Variants in OSBPL10 observed in about 807,000 individuals in gnomAD.
OSBPL10 encodes the protein oxysterol-binding protein-related protein 10.
Under a neutral mutation model 81.7 loss-of-function variants are expected in OSBPL10, and 49 were observed. The ratio of observed to expected loss-of-function variants is 0.60; its 90% CI spans 0.48 to 0.76. The LOEUF (loss-of-function observed/expected upper bound fraction) is 0.76. Among genes scored for constraint, OSBPL10 ranks in the 30% least tolerant of loss-of-function variants. The pLI is 0.00. For missense variants in OSBPL10, 923 were observed against 987.8 expected, an observed-to-expected ratio of 0.93 and a Z score of 0.88; for synonymous variants, 419 against 383.6, an observed-to-expected ratio of 1.09 and a Z score of -1.08.
intron 3 of OSBPL10, among the ~76,000 whole-genome samples, chr3:31,851,876 T>C (rs1220347804): frequency 6.6e-6 from 1 of 152,204 alleles, no homozygotes; most frequent in Non-Finnish European, 1.5e-5. Context: ...TCTCTCACTC[T>C]GCATCCCTTT....
At chr3:31,856,068 TTACACACA>T (rs1255657329) in intron 3 of OSBPL10, among the ~76,000 whole-genome samples, 5 of 116,946 alleles carry the variant, frequency 4.3e-5, no homozygotes, top group African/African-American at 1.3e-4. Flanking sequence ...TATGTTTATA[TTACACACA>T]CACACACACA....
chr3:31,993,681 T>C (rs72854160), intron 2 of OSBPL10, among the ~76,000 whole-genome samples: 235 of 147,308 alleles, frequency 1.6e-3, no homozygotes, highest in African/African-American at 5.6e-3. Flanking sequence ...TACACACACA[T>C]ACACACACAC....
intron 4 of OSBPL10, among the ~76,000 whole-genome samples, chr3:31,806,202 C>A (rs1028559812): frequency 1.8e-4 from 27 of 152,220 alleles, no homozygotes; most frequent in African/African-American, 6.5e-4. Context: ...CGAGAGCCTA[C>A]GCCCTTGTTC....
At chr3:31,865,541 A>C (rs182455342) in intron 3 of OSBPL10, among the ~76,000 whole-genome samples, 2 of 152,270 alleles carry the variant, frequency 1.3e-5, no homozygotes, top group Admixed American at 6.5e-5. Flanking sequence ...ATTTGTTGAG[A>C]TCCTAACCCC....
chr3:31,959,192 G>A (rs1280462365), intron 1 of OSBPL10, among the ~76,000 whole-genome samples: 2 of 152,130 alleles, frequency 1.3e-5, no homozygotes, highest in East Asian at 1.9e-4. Flanking sequence ...TCGGCTCACA[G>A]AGAAAAGTCT....
intron 4 of OSBPL10, among the ~76,000 whole-genome samples, chr3:31,820,265 C>T (rs1699948054): frequency 6.6e-6 from 1 of 151,916 alleles, no homozygotes. Context: ...AAGTCATGCC[C>T]TTAAGAAAGA....
intron 4 of OSBPL10, among the ~76,000 whole-genome samples, chr3:31,801,181 G>A (rs1468404076): frequency 6.6e-6 from 1 of 152,080 alleles, no homozygotes; most frequent in Non-Finnish European, 1.5e-5. Flanking sequence ...CAGGAGCATG[G>A]GATAAAGACT....
intron 4 of OSBPL10, among the ~76,000 whole-genome samples, chr3:31,788,634 T>C (rs1698921879): frequency 6.6e-6 from 1 of 152,148 alleles, no homozygotes; most frequent in South Asian, 2.1e-4. Context: ...GGCTGTATGG[T>C]AGGTGTGGTG....
chr3:31,891,417 T>G lies in OSBPL10; in HGVS notation c.282-11587A>C, dbSNP rs371527764. Among the ~76,000 whole-genome samples the G allele has an allele frequency of 2.3e-4, 35 of 152,336 alleles. No homozygotes were observed. In the East Asian group the frequency reaches 4.2e-3, roughly 18 times the overall value. ...ACCACTTGTTTTCATTTTTGTGACC[T>G]CGGGCAAGTTCTTTATCCACTCTAA... On this transcript the variant is annotated intron_variant, in intron 1 of 11. Coordinates refer to ENST00000396556, the MANE Select transcript of OSBPL10 (RefSeq NM_017784.5).
chr3:31,733,052 A>T (rs1042493721), intron 6 of OSBPL10: 1 of 638,720 alleles, frequency 1.6e-6, no homozygotes, highest in African/African-American at 1.9e-5. Context: ...TAGGATCACA[A>T]TTCACCCACA....
At chr3:31,853,871 C>T (rs1229132409) in intron 3 of OSBPL10, among the ~76,000 whole-genome samples, 1 of 152,236 alleles carries the variant, frequency 6.6e-6, no homozygotes, top group African/African-American at 2.4e-5. Flanking sequence ...CTCCAAAATG[C>T]AGCCCCTTAT....
intron 4 of OSBPL10, among the ~76,000 whole-genome samples, chr3:31,759,456 CAA>C (rs1261556313): frequency 3.9e-5 from 6 of 151,940 alleles, no homozygotes; most frequent in Non-Finnish European, 5.9e-5. Flanking sequence ...CTTTTTAATA[CAA>C]AAGAATACTC....
chr3:31,754,692 T>C (rs1258079164), intron 4 of OSBPL10, among the ~76,000 whole-genome samples: 1 of 152,138 alleles, frequency 6.6e-6, no homozygotes, highest in African/African-American at 2.4e-5. Flanking sequence ...GACCGTATGT[T>C]CTCTGTGGCA....
chr3:31,886,679 C>A (rs918524370), intron 1 of OSBPL10, among the ~76,000 whole-genome samples: 10 of 152,214 alleles, frequency 6.6e-5, no homozygotes, highest in African/African-American at 2.4e-4. Flanking sequence ...CGGTGGATCA[C>A]GCCTGTAATC....
chr3:31,686,112 C>G (rs536144805), intron 7 of OSBPL10, among the ~76,000 whole-genome samples: 2 of 152,334 alleles, frequency 1.3e-5, no homozygotes, highest in African/African-American at 4.8e-5. Flanking sequence ...CACACACCCG[C>G]TCCCTTTTCT....
intron 2 of OSBPL10, among the ~76,000 whole-genome samples, chr3:32,000,119 C>T (rs1034228607): frequency 6.6e-6 from 1 of 152,128 alleles, no homozygotes; most frequent in African/African-American, 2.4e-5. Context: ...GTCATACCAG[C>T]TTATTCTATT....
At chr3:31,935,556 T>G (rs572292758) in intron 1 of OSBPL10, among the ~76,000 whole-genome samples, 66 of 151,378 alleles carry the variant, frequency 4.4e-4, no homozygotes, top group African/African-American at 1.6e-3. Context: ...AGAGTCTCAC[T>G]CTTTTCGCCC....
At chr3:32,011,937 A>G (rs1273050967) in intron 2 of OSBPL10, among the ~76,000 whole-genome samples, 1 of 152,236 alleles carries the variant, frequency 6.6e-6, no homozygotes, top group Non-Finnish European at 1.5e-5. Flanking sequence ...GAAATATGGG[A>G]CTATGTGAAA....
At chr3:31,905,082 T>C (rs1696363987) in intron 1 of OSBPL10, among the ~76,000 whole-genome samples, 1 of 152,164 alleles carries the variant, frequency 6.6e-6, no homozygotes, top group African/African-American at 2.4e-5. Flanking sequence ...CTTAAAATAG[T>C]ATCTGGCACA....
Sources: allele counts gnomAD v4.1 joint callset (sites outside exome capture counted in the v4.1 genomes callset), GRCh38; gene constraint gnomAD v4.1.1; transcripts MANE v1.5; gene names NCBI Gene and HGNC (gene_info 2026-07-23, HGNC 2026-07-21).